APBA1: variants seen among roughly 807,000 people sequenced by gnomAD.
The protein encoded by APBA1 is amyloid beta precursor protein binding family A member 1, also known as amyloid-beta A4 precursor protein-binding family A member 1.
A neutral mutation model predicts 86.6 loss-of-function variants in APBA1; 55 were observed. The ratio of observed to expected loss-of-function variants is 0.64; its 90% CI spans 0.51 to 0.80. The LOEUF is 0.80. Ranked by LOEUF, APBA1 falls within the 30% of genes least tolerant of loss-of-function variation. The pLI is 0.00. For missense variants in APBA1, 1,090 were observed against 1,183.0 expected (o/e 0.92, Z 1.15); for synonymous variants, 511 against 493.9 (o/e 1.03, Z -0.46).
chr9:69,577,951 G>A (rs1253115892), intron 1 of APBA1, among the ~76,000 whole-genome samples: 1 of 152,086 alleles, frequency 6.6e-6, no homozygotes, highest in Admixed American at 6.5e-5. Flanking sequence ...TGGCCCAACT[G>A]GAGAAAGCCT....
At chr9:69,656,251 G>A (rs1217268315) in intron 1 of APBA1, among the ~76,000 whole-genome samples, 1 of 152,120 alleles carries the variant, frequency 6.6e-6, no homozygotes, top group East Asian at 1.9e-4. Flanking sequence ...CCTGTTCTAT[G>A]ACCCCACAAT....
At chr9:69,431,439 G>A (rs779540587) in intron 12 of APBA1, 41 bp from the exon 13 acceptor site, 1 of 1,581,998 alleles carries the variant, frequency 6.3e-7, no homozygotes, top group Admixed American at 1.7e-5. Context: ...GCTGAGGCTG[G>A]GGGCTGGCTG....
chr9:69,605,517 A>G (rs1822453970), intron 1 of APBA1, among the ~76,000 whole-genome samples: 1 of 152,190 alleles, frequency 6.6e-6, no homozygotes, highest in Non-Finnish European at 1.5e-5. Context: ...TGATGACTCA[A>G]TGCTCCAGCC....
At chr9:69,505,418 G>A (rs1835943050) in intron 2 of APBA1, among the ~76,000 whole-genome samples, 1 of 152,032 alleles carries the variant, frequency 6.6e-6, no homozygotes, top group Admixed American at 6.5e-5. Flanking sequence ...TAAGAGAACT[G>A]GAAATCCTGG....
intron 2 of APBA1, among the ~76,000 whole-genome samples, chr9:69,500,167 C>A (rs1470671450): frequency 2.6e-5 from 4 of 151,980 alleles, no homozygotes; most frequent in South Asian, 2.1e-4. Context: ...ATGGGCAGCC[C>A]AGTGGGGGAT....
At chr9:69,585,696 C>T (rs758294839) in intron 1 of APBA1, among the ~76,000 whole-genome samples, 5 of 152,148 alleles carry the variant, frequency 3.3e-5, no homozygotes, top group Non-Finnish European at 5.9e-5. Context: ...TCTGTACTCA[C>T]GGTATGAAAA....
intron 2 of APBA1, among the ~76,000 whole-genome samples, chr9:69,489,730 A>G (rs1395774908): frequency 6.6e-6 from 1 of 152,126 alleles, no homozygotes; most frequent in Non-Finnish European, 1.5e-5. Context: ...AAAAATGCTC[A>G]CCATCACTGG....
chr9:69,661,556 C>T (rs1823752506), intron 1 of APBA1, among the ~76,000 whole-genome samples: 1 of 152,098 alleles, frequency 6.6e-6, no homozygotes, highest in Non-Finnish European at 1.5e-5. Flanking sequence ...CCCACAGGGC[C>T]AAGAATGGAG....
chr9:69,663,343 T>C (rs892395365), intron 1 of APBA1, among the ~76,000 whole-genome samples: 1 of 152,206 alleles, frequency 6.6e-6, no homozygotes, highest in Non-Finnish European at 1.5e-5. Flanking sequence ...TGGCCAAAAG[T>C]GTGTAAAAGC....
chr9:69,604,690 ACATGCACG>A (rs1822432927), intron 1 of APBA1, among the ~76,000 whole-genome samples: 1 of 122,486 alleles, frequency 8.2e-6, no homozygotes, highest in Non-Finnish European at 1.7e-5. Context: ...GCATGGGCAC[ACATGCACG>A]CACATGAGGG....
intron 3 of APBA1, 121 bp downstream of exon 3, chr9:69,475,927 A>T: frequency 1.3e-6 from 1 of 785,478 alleles, no homozygotes; most frequent in South Asian, 1.5e-5. Context: ...AGAAATCAGG[A>T]TTGTTCTCAC....
chr9:69,569,467 G>A (rs532819556), intron 1 of APBA1, among the ~76,000 whole-genome samples: 3,981 of 151,712 alleles, frequency 0.026, 174 homozygotes, highest in African/African-American at 0.091. Flanking sequence ...GTGTGTGTGT[G>A]TGTGTGTGTG....
At position 69,515,966 on chromosome 9, in the gene APBA1, T is replaced by G. The variant is rs753467677; in HGVS notation, c.1200+45A>C. On this transcript the variant is annotated intron_variant, in intron 2 of 12. Coordinates refer to ENST00000265381, the MANE Select transcript of APBA1 (RefSeq NM_001163.4). The stretch of plus-strand genomic sequence containing the variant: ...CAAGGCCATGGGGCGCCATCTTCCC[T>G]CCCACCGCGTGGGGCCGAGGAAGCC... 31 of 1,467,918 alleles carry G rather than the reference T, an allele frequency of 2.1e-5. No individual in the cohort carries two copies. In the East Asian group the frequency reaches 8.1e-4, roughly 38 times the overall value. The allele number at this position is 1,467,918 out of a possible 1,614,324, so 90.9% of individuals were successfully genotyped here. A position where few individuals can be genotyped will look rare whatever the true frequency, so the allele number is the denominator to read the frequency against.
chr9:69,452,169 A>T lies in APBA1; in HGVS notation c.1921T>A (p.Tyr641Asn). ...GAGAAGTGGATCAGGTCATCGTTGT[A>T]CATGTCCTGGGTATTGAGCAGGTCA... ...YSDLLNTQDM[Y>N]NDDLIHFSKS... The change falls in exon 9 of 13, where the codon TAC (tyrosine) becomes AAC (asparagine). Residue 641 changes from tyrosine to asparagine, a missense_variant. Tyr to Asn is a moderately radical substitution (Grantham distance 143). Transcript: ENST00000265381. 2 of 1,614,192 alleles carry T rather than the reference A, an allele frequency of 1.2e-6. No homozygotes were observed. Among genetic ancestry groups the T allele is most frequent in the Non-Finnish European group, 1.7e-6 (2 of 1,180,014 alleles).
intron 7 of APBA1, 121 bp downstream of exon 7, chr9:69,456,932 C>A (rs999631054): frequency 1.2e-6 from 1 of 834,746 alleles, no homozygotes; most frequent in East Asian, 2.5e-5. Context: ...TTCTAGCTCA[C>A]TGGGGCCCAG....
intron 1 of APBA1, among the ~76,000 whole-genome samples, chr9:69,623,154 T>G (rs981956957): frequency 1.3e-5 from 2 of 152,044 alleles, no homozygotes; most frequent in Admixed American, 6.6e-5. Context: ...CCCAAAAACC[T>G]ACATTATCAA....
intron 1 of APBA1, among the ~76,000 whole-genome samples, chr9:69,626,244 G>C (rs1372153276): frequency 6.6e-6 from 1 of 152,142 alleles, no homozygotes; most frequent in Admixed American, 6.6e-5. Context: ...GGACCAAAAA[G>C]TAAACAGCAG....
At position 69,516,506 on chromosome 9, in the gene APBA1, C is replaced by G. The variant is rs368335611; in HGVS notation, c.705G>C (p.Leu235=). Reference sequence around the variant, plus strand: ...CGTCGGAGCGCTCGTCGTAATGGTGCAGCCGCGCGCCCAGGGCCTCCTGGC... The same window carrying G: ...CGTCGGAGCGCTCGTCGTAATGGTGGAGCCGCGCGCCCAGGGCCTCCTGGC... The part of the protein sequence containing the change: ...AYRQEALGAR[L]HHYDERSDGE... Residue 235 remains leucine, a synonymous_variant, in exon 2 of 13, where the codon CTG becomes CTC. Transcript: ENST00000265381. This position sits in a 1 kb window ranked among gnomAD's most constrained non-coding sequence, Gnocchi z 7.3. The G allele has an allele frequency of 1.3e-5, 20 of 1,596,248 alleles. No individual in the cohort carries two copies. The African/African-American group carries it at 2.3e-4, about 18-fold the overall frequency.
chr9:69,532,973 A>G (rs1416856716), intron 1 of APBA1, among the ~76,000 whole-genome samples: 1 of 152,250 alleles, frequency 6.6e-6, no homozygotes, highest in Non-Finnish European at 1.5e-5. Context: ...TTAAATGACT[A>G]ATGCACAGTT....
Sources: allele counts gnomAD v4.1 joint callset (sites outside exome capture counted in the v4.1 genomes callset), GRCh38; gene constraint gnomAD v4.1.1; non-coding constraint Gnocchi (gnomAD v3.1); transcripts MANE v1.5; gene names NCBI Gene and HGNC (gene_info 2026-07-23, HGNC 2026-07-21).